Variants in NTRK1 observed in about 807,000 individuals in gnomAD.
NTRK1 encodes the protein high affinity nerve growth factor receptor.
In NTRK1, 62 loss-of-function variants were observed where a neutral mutation model predicts 86.8. The ratio of observed to expected loss-of-function variants is 0.71; its 90% CI spans 0.58 to 0.88. NTRK1 has a LOEUF of 0.88. Among genes scored for constraint, NTRK1 ranks in the 40% least tolerant of loss-of-function variants. The pLI is 0.00. For synonymous variants in NTRK1, 469 were observed against 456.6 expected (o/e 1.03, Z -0.35); for missense variants, 967 against 1,078.4 (o/e 0.90, Z 1.45).
chr1:156,872,161 A>G (rs145183635), intron 7 of NTRK1, among the ~76,000 whole-genome samples: 2 of 152,286 alleles, frequency 1.3e-5, no homozygotes, highest in African/African-American at 2.4e-5. Flanking sequence ...CAGCCAACAA[A>G]TTATCTTAAA....
At chr1:156,848,607 T>A (rs1257504967) in intron 2 of NTRK1, among the ~76,000 whole-genome samples, 1 of 152,078 alleles carries the variant, frequency 6.6e-6, no homozygotes, top group Non-Finnish European at 1.5e-5. Flanking sequence ...GGCAGGAGCG[T>A]GTGGTCAGTG....
At chr1:156,837,417 C>T (rs1055580386) in intron 1 of NTRK1, among the ~76,000 whole-genome samples, 3 of 152,230 alleles carry the variant, frequency 2.0e-5, no homozygotes, top group South Asian at 2.1e-4. Context: ...ATGGTGCCAC[C>T]CTAGTGATCA....
chr1:156,869,465 C>T (rs1031977595), intron 6 of NTRK1, among the ~76,000 whole-genome samples: 15 of 152,036 alleles, frequency 9.9e-5, no homozygotes, highest in Non-Finnish European at 1.5e-4. Flanking sequence ...TCGGGGGTAT[C>T]GTGGTCTTTT....
In NTRK1 at chr1:156,874,126, G is replaced by A. The variant is rs1012378522; in HGVS notation, c.1177+167G>A. ...TCTGGCCTCCTTACCCTCTCCCCAA[G>A]CCAGGACTCCTGAACTCCTGAGCTA... On this transcript the variant is annotated intron_variant, in intron 8 of 16. Transcript: ENST00000524377. 4 of 882,552 alleles carry A rather than the reference G, an allele frequency of 4.5e-6. No individual in the cohort carries two copies. The Admixed American group carries it at 8.5e-5, about 19-fold the overall frequency. The allele number at this position is 882,552 out of a possible 1,614,324, so 54.7% of individuals were successfully genotyped here.
At chr1:156,852,639 G>T (rs562802418) in intron 2 of NTRK1, among the ~76,000 whole-genome samples, 1 of 152,160 alleles carries the variant, frequency 6.6e-6, no homozygotes, top group African/African-American at 2.4e-5. Flanking sequence ...TGCCCATACC[G>T]CCCCCACCTC....
chr1:156,824,477 T>G (rs911557159), intron 1 of NTRK1, among the ~76,000 whole-genome samples: 3 of 152,184 alleles, frequency 2.0e-5, no homozygotes, highest in Non-Finnish European at 2.9e-5. Context: ...AATTTACTTA[T>G]GTGTTCTGAA....
intron 1 of NTRK1, chr1:156,840,323 C>T: frequency 6.2e-6 from 1 of 160,010 alleles, no homozygotes; most frequent in Non-Finnish European, 1.4e-5. Context: ...TGAGGGCGGG[C>T]AGGCTGGGAA....
chr1:156,852,333 G>A (rs751182045), intron 2 of NTRK1: 104 of 814,958 alleles, frequency 1.3e-4, no homozygotes, highest in Middle Eastern at 3.8e-4. Flanking sequence ...ACTGGTTGCC[G>A]ACTCTGTTCC....
intron 2 of NTRK1, chr1:156,849,303 G>A (rs749184269): frequency 6.2e-6 from 10 of 1,613,822 alleles, no homozygotes; most frequent in South Asian, 1.1e-5. Context: ...TGCCGACCTC[G>A]CGTGCCTGTC....
At chr1:156,825,992 C>T (rs1304230446) in intron 1 of NTRK1, among the ~76,000 whole-genome samples, 3 of 152,148 alleles carry the variant, frequency 2.0e-5, no homozygotes, top group Non-Finnish European at 2.9e-5. Context: ...GGGATTAGAA[C>T]CAGATGGTCT....
At chr1:156,845,179 G>GCGCAGGCCGCTCAGCAC in intron 2 of NTRK1, 5 of 1,610,602 alleles carry the variant, frequency 3.1e-6, no homozygotes, top group Non-Finnish European at 4.2e-6. Flanking sequence ...CCGTGAAGTG[G>GCGCAGGCCGCTCAGCAC]CGCAGGCCGC....
At chr1:156,860,742 G>T (rs529980457), upstream of NTRK1, 59 of 1,103,578 alleles carry the variant, frequency 5.3e-5, no homozygotes, top group African/African-American at 1.5e-4. Flanking sequence ...GGGGGCAGAG[G>T]GGGGGGCGTC....
chr1:156,866,450 T>A (rs1278528961), intron 3 of NTRK1, among the ~76,000 whole-genome samples: 2 of 152,090 alleles, frequency 1.3e-5, no homozygotes, highest in Admixed American at 6.5e-5. Flanking sequence ...GGAGGGGAGC[T>A]GAGGAAGTGC....
At chr1:156,816,610 G>A (rs1653961344) in intron 1 of NTRK1, 2 of 1,528,868 alleles carry the variant, frequency 1.3e-6, no homozygotes, top group Middle Eastern at 1.7e-4. Context: ...AAGCCCAGGA[G>A]GGAGGGCAGG....
chr1:156,841,468 C>T, intron 1 of NTRK1: 2 of 1,614,002 alleles, frequency 1.2e-6, no homozygotes, highest in South Asian at 2.2e-5. Flanking sequence ...GCTCATTGGA[C>T]AGGCCCTGGT....
At chr1:156,845,804 C>T in intron 2 of NTRK1, 1 of 1,612,328 alleles carries the variant, frequency 6.2e-7, no homozygotes, top group Non-Finnish European at 8.5e-7. Context: ...TGCTGGTGGG[C>T]AGCCGCAAGC....
intron 2 of NTRK1, among the ~76,000 whole-genome samples, chr1:156,850,886 A>G (rs1438390493): frequency 6.6e-6 from 1 of 152,150 alleles, no homozygotes; most frequent in Non-Finnish European, 1.5e-5. Flanking sequence ...AATGCTGGCT[A>G]CATTATAGGT....
At chr1:156,858,406 T>C, upstream of NTRK1, 1 of 714,746 alleles carries the variant, frequency 1.4e-6, no homozygotes. Flanking sequence ...GCAGTTCTCC[T>C]GAGCGCTAAC....
intron 1 of NTRK1, among the ~76,000 whole-genome samples, chr1:156,828,510 G>A (rs1036449381): frequency 2.0e-5 from 3 of 152,222 alleles, no homozygotes; most frequent in Non-Finnish European, 4.4e-5. Context: ...CTCCCTGCTG[G>A]GCTGCCTCCC....
Sources: allele counts gnomAD v4.1 joint callset (sites outside exome capture counted in the v4.1 genomes callset), GRCh38; gene constraint gnomAD v4.1.1; transcripts MANE v1.5; gene names NCBI Gene and HGNC (gene_info 2026-07-23, HGNC 2026-07-21).